PRUNE2: variants seen among roughly 807,000 people sequenced by gnomAD.
PRUNE2 encodes prune homolog 2 with BCH domain, also known as protein prune homolog 2.
A neutral mutation model predicts 252.0 loss-of-function variants in PRUNE2; 164 were observed. The observed-to-expected ratio is 0.65, with a 90% CI of 0.57 to 0.74. The LOEUF is 0.74. Ranked by LOEUF, PRUNE2 falls within the 30% of genes least tolerant of loss-of-function variation. The pLI, the probability that PRUNE2 is intolerant of heterozygous loss-of-function variation, is 0.00. For missense variants in PRUNE2, 3,495 were observed against 3,711.0 expected (o/e 0.94, Z 1.51); for synonymous variants, 1,292 against 1,350.2 (o/e 0.96, Z 0.94).
At chr9:76,899,520 C>T (rs767021933) in intron 1 of PRUNE2, among the ~76,000 whole-genome samples, 12 of 152,032 alleles carry the variant, frequency 7.9e-5, no homozygotes, top group Non-Finnish European at 1.2e-4. Context: ...CCTGGCCCTC[C>T]GTTTATTTAT....
At chr9:76,767,351 C>T (rs913402426) in intron 6 of PRUNE2, among the ~76,000 whole-genome samples, 12 of 151,538 alleles carry the variant, frequency 7.9e-5, no homozygotes, top group African/African-American at 2.2e-4. Flanking sequence ...CTCGAGAGGC[C>T]GAGGCAGGAG....
At chr9:76,891,549 G>A (rs1019667841) in intron 1 of PRUNE2, among the ~76,000 whole-genome samples, 1 of 152,152 alleles carries the variant, frequency 6.6e-6, no homozygotes, top group East Asian at 1.9e-4. Context: ...TCCATCACAC[G>A]AAACTCCAAA....
At chr9:76,854,028 G>T in intron 2 of PRUNE2, 76 bp downstream of exon 2, 1 of 712,492 alleles carries the variant, frequency 1.4e-6, no homozygotes, top group Non-Finnish European at 2.3e-6. Context: ...AGGTTCCTTT[G>T]TTTAGAGAAA....
intron 4 of PRUNE2, among the ~76,000 whole-genome samples, chr9:76,837,814 C>T (rs1373614408): frequency 2.7e-5 from 4 of 149,838 alleles, no homozygotes; most frequent in Non-Finnish European, 5.9e-5. Flanking sequence ...CTCTGTCGCC[C>T]AGGCTGGAGT....
chr9:76,786,710 C>T (rs2055024262), intron 6 of PRUNE2: 1 of 152,168 alleles, frequency 6.6e-6, no homozygotes, highest in South Asian at 2.1e-4. Flanking sequence ...TATTAATTTC[C>T]AATAGATGCT....
chr9:76,799,499 A>C (rs1236233424), intron 6 of PRUNE2, among the ~76,000 whole-genome samples: 1 of 152,204 alleles, frequency 6.6e-6, no homozygotes, highest in Non-Finnish European at 1.5e-5. Flanking sequence ...TGAACAAGGA[A>C]GAATATGATG....
At chr9:76,818,770 C>T (rs1382182491) in intron 6 of PRUNE2, among the ~76,000 whole-genome samples, 1 of 152,168 alleles carries the variant, frequency 6.6e-6, no homozygotes, top group Non-Finnish European at 1.5e-5. Context: ...TACCAGGCAG[C>T]AGGTTCATAC....
intron 6 of PRUNE2, among the ~76,000 whole-genome samples, chr9:76,724,245 G>A (rs906475888): frequency 4.8e-5 from 7 of 145,848 alleles, no homozygotes; most frequent in African/African-American, 1.8e-4. Flanking sequence ...GATCACTTGA[G>A]CTCAGAAGGT....
chr9:76,831,334 A>G (rs2058666543), intron 4 of PRUNE2, among the ~76,000 whole-genome samples: 1 of 152,192 alleles, frequency 6.6e-6, no homozygotes, highest in South Asian at 2.1e-4. Flanking sequence ...TAAAGGCAGA[A>G]AAAAATTATC....
Position 76,670,743 on chromosome 9 carries a change from C to T in PRUNE2, c.8277-15241G>A, listed in dbSNP as rs1202262806. 5.3e-5 allele frequency among the ~76,000 whole-genome samples: 8 copies of T among 151,868 alleles called. No homozygotes were observed. In the East Asian group the frequency reaches 1.6e-3, roughly 30 times the overall value. Reference sequence around the variant, plus strand: ...CTGCCTCCTCAAGTGGGTCCCTGACCCCTGACCCCCGAGCAGCCTAACTGG... The same window carrying T: ...CTGCCTCCTCAAGTGGGTCCCTGACTCCTGACCCCCGAGCAGCCTAACTGG... On this transcript the variant is annotated intron_variant, in intron 9 of 18. Transcript: ENST00000376718.
intron 17 of PRUNE2, among the ~76,000 whole-genome samples, chr9:76,622,094 A>G (rs1386893666): frequency 6.6e-6 from 1 of 152,202 alleles, no homozygotes; most frequent in East Asian, 1.9e-4. Context: ...TGCAATGCAC[A>G]ATAAAGTTTG....
Position 76,655,644 on chromosome 9 carries a change from T to C in PRUNE2, c.8277-142A>G, listed in dbSNP as rs968286452. On this transcript the variant is annotated intron_variant, in intron 9 of 18. Transcript: ENST00000376718. ...GTATGGGGACTGAATCCACTGTAAG[T>C]GGTCCCAAATTAAAGACTTTCTGCA... 10 of 633,778 alleles carry C rather than the reference T, an allele frequency of 1.6e-5. No homozygotes were observed. In the Admixed American group the frequency reaches 2.2e-4, roughly 14 times the overall value. 39.3% of individuals were successfully genotyped at this position (633,778 alleles called of 1,614,324 possible).
intron 6 of PRUNE2, among the ~76,000 whole-genome samples, chr9:76,719,459 AT>A (rs1193483420): frequency 6.6e-6 from 1 of 152,092 alleles, no homozygotes; most frequent in Non-Finnish European, 1.5e-5. Context: ...ATATTTCCAA[AT>A]GGGCACTATC....
chr9:76,749,017 G>A (rs2050381481), intron 6 of PRUNE2, among the ~76,000 whole-genome samples: 1 of 152,168 alleles, frequency 6.6e-6, no homozygotes, highest in Non-Finnish European at 1.5e-5. Context: ...GTTCCTTCAA[G>A]GGACATTCTA....
chr9:76,721,807 A>G (rs1246223529), intron 6 of PRUNE2, among the ~76,000 whole-genome samples: 1 of 152,206 alleles, frequency 6.6e-6, no homozygotes, highest in Non-Finnish European at 1.5e-5. Flanking sequence ...ATCGAGATAT[A>G]AGAAAAATGC....
intron 9 of PRUNE2, among the ~76,000 whole-genome samples, chr9:76,671,715 C>T (rs897578858): frequency 6.6e-6 from 1 of 151,108 alleles, no homozygotes; most frequent in African/African-American, 2.4e-5. Context: ...CGGCAGAAAC[C>T]CTACAAGCCA....
intron 6 of PRUNE2, among the ~76,000 whole-genome samples, chr9:76,792,270 T>C (rs980178765): frequency 1.3e-5 from 2 of 152,200 alleles, no homozygotes; most frequent in Admixed American, 1.3e-4. Context: ...ACATGCCCTC[T>C]TGCCTGTCAC....
chr9:76,684,732 G>A (rs531885195), intron 9 of PRUNE2, among the ~76,000 whole-genome samples: 3 of 152,098 alleles, frequency 2.0e-5, no homozygotes, highest in Admixed American at 2.0e-4. Context: ...GGGGTCAATG[G>A]GACTCACTCC....
chr9:76,616,196 C>A (rs1471348229), intron 18 of PRUNE2, among the ~76,000 whole-genome samples: 2 of 152,186 alleles, frequency 1.3e-5, no homozygotes, highest in Admixed American at 1.3e-4. Flanking sequence ...GACTTGTTTT[C>A]TTACCTGCAG....
Sources: allele counts gnomAD v4.1 joint callset (sites outside exome capture counted in the v4.1 genomes callset), GRCh38; gene constraint gnomAD v4.1.1; transcripts MANE v1.5; gene names NCBI Gene and HGNC (gene_info 2026-07-23, HGNC 2026-07-21).